Variants in CCDC50 observed in about 807,000 individuals in gnomAD.
The protein encoded by CCDC50 is coiled-coil domain-containing protein 50.
Under a neutral mutation model 70.2 loss-of-function variants are expected in CCDC50, and 54 were observed. The observed-to-expected ratio is 0.77, with a 90% CI of 0.62 to 0.96. The LOEUF is 0.96. CCDC50 is among the 50% of genes least tolerant of loss of function. CCDC50 has a pLI of 0.00. For synonymous variants in CCDC50, 216 were observed against 198.8 expected (o/e 1.09, Z -0.73); for missense variants, 558 against 578.7 (o/e 0.96, Z 0.37).
intron 6 of CCDC50, among the ~76,000 whole-genome samples, chr3:191,378,943 C>T (rs1713212775): frequency 6.6e-6 from 1 of 151,992 alleles, no homozygotes; most frequent in Non-Finnish European, 1.5e-5. Flanking sequence ...GCTTCTGAAG[C>T]CGCAGAAGCC....
In CCDC50 at chr3:191,395,652, A is replaced by C. The variant is rs1713838025; in HGVS notation, c.*3892A>C. 6.6e-6 allele frequency: 1 copy of C among 152,206 alleles called. No individual in the cohort carries two copies. 9.4% of individuals were successfully genotyped at this position (152,206 alleles called of 1,614,324 possible). On this transcript the variant is annotated 3_prime_UTR_variant, in exon 12 of 12. Coordinates refer to ENST00000392455, the MANE Select transcript of CCDC50 (RefSeq NM_178335.3). ...GCCAAAGGCTTTTTCCCTTTTGAGAAGACGGTATTTGTGTAAGGAGTGCTA... is the reference window on the plus strand; with the variant it reads ...GCCAAAGGCTTTTTCCCTTTTGAGACGACGGTATTTGTGTAAGGAGTGCTA...
At chr3:191,362,294 A>G (rs888004606) in intron 4 of CCDC50, among the ~76,000 whole-genome samples, 1 of 145,544 alleles carries the variant, frequency 6.9e-6, no homozygotes, top group Non-Finnish European at 1.5e-5. Flanking sequence ...ATATTTAAAC[A>G]TTTTTTTTTT....
chr3:191,388,773 T>C (rs1031293617), intron 10 of CCDC50, among the ~76,000 whole-genome samples: 1 of 152,184 alleles, frequency 6.6e-6, no homozygotes, highest in Non-Finnish European at 1.5e-5. Context: ...TATTGATAAA[T>C]TTGATAATCT....
At chr3:191,369,694 G>A (rs1007781431) in intron 4 of CCDC50, among the ~76,000 whole-genome samples, 1 of 152,080 alleles carries the variant, frequency 6.6e-6, no homozygotes, top group African/African-American at 2.4e-5. Flanking sequence ...CCATGTTGTG[G>A]TGGATTTAAA....
At chr3:191,357,207 A>G in intron 2 of CCDC50, 57 bp downstream of exon 2, 2 of 1,449,246 alleles carry the variant, frequency 1.4e-6, no homozygotes, top group East Asian at 2.3e-5. Flanking sequence ...TGGTAGCTTG[A>G]GGCTGGTTTC....
At chr3:191,376,477 T>G (rs553092101) in intron 6 of CCDC50, among the ~76,000 whole-genome samples, 1 of 152,254 alleles carries the variant, frequency 6.6e-6, no homozygotes, top group Admixed American at 6.6e-5. Context: ...ATGTTTTCCA[T>G]GTGTCTGTAA....
At chr3:191,358,893 A>G (rs555163794) in intron 3 of CCDC50, among the ~76,000 whole-genome samples, 2 of 152,338 alleles carry the variant, frequency 1.3e-5, no homozygotes, top group South Asian at 2.1e-4. Flanking sequence ...ATATTCAGGT[A>G]AAAAGGAAAG....
chr3:191,397,156 A>G lies in CCDC50; in HGVS notation c.*5396A>G, dbSNP rs968470896. On this transcript the variant is annotated 3_prime_UTR_variant, in exon 12 of 12. Transcript: ENST00000392455. Reference sequence around the variant, plus strand: ...ACATTTTCTTCCCAAAAGATCAAGTAAGGAGTAAGAACAAGTAAGGGAAGA... The same window carrying G: ...ACATTTTCTTCCCAAAAGATCAAGTGAGGAGTAAGAACAAGTAAGGGAAGA... 16 of 152,192 alleles carry G rather than the reference A, an allele frequency of 1.1e-4. No individual in the cohort carries two copies. Among genetic ancestry groups the G allele is most frequent in the African/African-American group, 3.6e-4 (15 of 41,442 alleles). 9.4% of individuals were successfully genotyped at this position (152,192 alleles called of 1,614,324 possible).
At chr3:191,352,424 T>C (rs1013753629) in intron 1 of CCDC50, among the ~76,000 whole-genome samples, 3 of 142,412 alleles carry the variant, frequency 2.1e-5, no homozygotes, top group African/African-American at 7.5e-5. Context: ...GCTTGGCCTA[T>C]TGTAAATTAA....
rs376689351 is a variant in CCDC50, at chr3:191,375,586, G to A, written c.973G>A (p.Ala325Thr). Residue 325 changes from alanine to threonine, a missense_variant, in exon 6 of 12, where the codon GCA becomes ACA. Transcript: ENST00000392455. ...ESEEQLHLHD[A>T]GMKPRVMKEA... ...TGAGGAGCAGCTCCACCTCCATGAC[G>A]CAGGTAATAGAGGACAGTCTCGATG... 6.9e-5 allele frequency: 112 copies of A among 1,612,494 alleles called. No individual in the cohort carries two copies. The highest frequency in any genetic ancestry group is 8.1e-5 in the Non-Finnish European group (96 of 1,179,346).
At position 191,382,817 on chromosome 3, in the gene CCDC50, G is replaced by T. The variant is rs1713366663; in HGVS notation, c.1314G>T (p.Arg438Ser). ...SDEPHHSKNE[R>S]PARPPPPIMT... Reference sequence around the variant, plus strand: ...AACCTCACCATTCTAAGAATGAAAGGCCAGCACGGTAAGCTGACACCTGAA... The same window carrying T: ...AACCTCACCATTCTAAGAATGAAAGTCCAGCACGGTAAGCTGACACCTGAA... The change falls in exon 10 of 12, where the codon AGG becomes AGT. Residue 438 changes from arginine (R) to serine (S), a missense_variant. Arg to Ser is a moderately radical substitution (Grantham distance 110). Transcript: ENST00000392455. 6.2e-7 allele frequency: 1 copy of T among 1,611,016 alleles called. No homozygotes were observed. Among genetic ancestry groups the T allele is most frequent in the Non-Finnish European group, 8.5e-7 (1 of 1,177,568 alleles).
intron 3 of CCDC50, 47 bp from the exon 4 acceptor site, chr3:191,361,021 AC>A (rs1560162774): frequency 8.0e-7 from 1 of 1,242,832 alleles, no homozygotes; most frequent in Non-Finnish European, 1.2e-6. Flanking sequence ...TTTAGGAAAT[AC>A]ATTATTTTTT....
Position 191,375,192 on chromosome 3 carries a change from GCCAGAA to G in CCDC50, c.581_586del (p.Pro194_Glu195del), listed in dbSNP as rs1713053411. On this transcript the variant is annotated inframe_deletion, in exon 6 of 12. Coordinates refer to ENST00000392455, the MANE Select transcript of CCDC50 (RefSeq NM_178335.3). ...AACATCCACTGGAGAACTTGGAAGA[GCCAGAA>G]CAACATTGTTCATCGAAGAGATCCC... 6.2e-7 allele frequency: 1 copy of G among 1,613,678 alleles called. No individual in the cohort carries two copies. Among genetic ancestry groups the G allele is most frequent in the South Asian group, 1.1e-5 (1 of 91,084 alleles).
In CCDC50 at chr3:191,396,279, ACAGT is replaced by A. The variant is rs1713855176; in HGVS notation, c.*4523_*4526del. 2 of 152,188 alleles carry A rather than the reference ACAGT, an allele frequency of 1.3e-5. No individual in the cohort carries two copies. The highest frequency in any genetic ancestry group is 4.8e-5 in the African/African-American group (2 of 41,442). 9.4% of individuals were successfully genotyped at this position (152,188 alleles called of 1,614,324 possible). On this transcript the variant is annotated 3_prime_UTR_variant, in exon 12 of 12. Coordinates refer to ENST00000392455, the MANE Select transcript of CCDC50 (RefSeq NM_178335.3). ...GTACGTTACTTCCTTTATGTGACTG[ACAGT>A]CAGCTTTCCATTGAGATATAACATT...
intron 1 of CCDC50, among the ~76,000 whole-genome samples, chr3:191,332,096 G>A (rs544480291): frequency 3.3e-5 from 5 of 152,268 alleles, no homozygotes; most frequent in South Asian, 4.2e-4. Flanking sequence ...GTGTGTGCCC[G>A]TTTCCATTGC....
chr3:191,380,785 T>G lies in CCDC50; in HGVS notation c.1138-43T>G, dbSNP rs753575705. 10 of 1,605,808 alleles carry G rather than the reference T, an allele frequency of 6.2e-6. No homozygotes were observed. The South Asian group carries it at 1.1e-4, about 18-fold the overall frequency. ...TTGGAAATATCCTAGTATATTTCTA[T>G]CTGCACCTCTGCAGTTAATGATATT... On this transcript the variant is annotated intron_variant, in intron 8 of 11. Coordinates refer to ENST00000392455, the MANE Select transcript of CCDC50 (RefSeq NM_178335.3).
intron 1 of CCDC50, among the ~76,000 whole-genome samples, chr3:191,343,653 T>C (rs1267011267): frequency 1.3e-5 from 2 of 152,224 alleles, no homozygotes; most frequent in Non-Finnish European, 2.9e-5. Flanking sequence ...AGTTGTTTTT[T>C]AAAGAAGGTA....
intron 1 of CCDC50, among the ~76,000 whole-genome samples, chr3:191,343,598 A>G (rs983280551): frequency 5.9e-5 from 9 of 152,210 alleles, no homozygotes; most frequent in African/African-American, 1.9e-4. Flanking sequence ...TGCTAAGTTC[A>G]TATATTCCTG....
intron 1 of CCDC50, among the ~76,000 whole-genome samples, chr3:191,333,461 G>A (rs1258648859): frequency 6.6e-6 from 1 of 152,146 alleles, no homozygotes; most frequent in East Asian, 1.9e-4. Flanking sequence ...TAAACAGATG[G>A]CAGTGTCCAT....
Sources: allele counts gnomAD v4.1 joint callset (sites outside exome capture counted in the v4.1 genomes callset), GRCh38; gene constraint gnomAD v4.1.1; transcripts MANE v1.5; gene names NCBI Gene and HGNC (gene_info 2026-07-23, HGNC 2026-07-21).